The following SLC37A1 variants were observed in gnomAD, a reference collection of about 807,000 sequenced individuals.
SLC37A1 encodes the protein solute carrier family 37 member 1.
SLC37A1 carries 49 observed loss-of-function variants against 75.3 expected under a neutral mutation model. The ratio of observed to expected loss-of-function variants is 0.65; its 90% CI spans 0.52 to 0.83. SLC37A1 has a LOEUF of 0.83. Ranked by LOEUF, SLC37A1 falls within the 40% of genes least tolerant of loss-of-function variation. SLC37A1 has a pLI of 0.00. For synonymous variants in SLC37A1, 268 were observed against 292.1 expected, an observed-to-expected ratio of 0.92 and a Z score of 0.84; for missense variants, 566 against 695.0, an observed-to-expected ratio of 0.81 and a Z score of 2.09.
At position 42,539,664 on chromosome 21, in the gene SLC37A1, G is replaced by T. The variant is rs376972930; in HGVS notation, c.486+17G>T. 20 of 1,605,702 alleles carry T rather than the reference G, an allele frequency of 1.2e-5. No homozygotes were observed. The Admixed American group carries it at 2.9e-4, about 23-fold the overall frequency. On this transcript the variant is annotated intron_variant, in intron 6 of 19. Transcript: ENST00000352133. ...GTAACTCAGGTAAGGGTTTGGATCC[G>T]TGGCTCACCATGTACGGGGTTTCCT... is the stretch of plus-strand genomic sequence containing the variant.
chr21:42,559,046 G>A lies in SLC37A1; in HGVS notation c.938G>A (p.Ser313Asn), dbSNP rs2055760519. Residue 313 changes from serine (S) to asparagine (N), a missense_variant, in exon 11 of 20, where the codon AGT (serine) becomes AAT (asparagine). Physicochemically the swap from Ser to Asn is conservative, Grantham distance 46 (BLOSUM62 1). Coordinates refer to ENST00000352133, the MANE Select transcript of SLC37A1 (RefSeq NM_001320537.2). Reference protein sequence around the residue: ...HVVILPGDGGSGTAAISFTGA... With the variant: ...HVVILPGDGGNGTAAISFTGA... ...GTCATTCTCCCCGGGGACGGTGGGAGTGGCACGGCCGCCATCAGCTTCACA... is the reference window on the plus strand; with the variant it reads ...GTCATTCTCCCCGGGGACGGTGGGAATGGCACGGCCGCCATCAGCTTCACA... 6.2e-7 allele frequency: 1 copy of A among 1,613,542 alleles called. No individual in the cohort carries two copies. Among genetic ancestry groups the A allele is most frequent in the Non-Finnish European group, 8.5e-7 (1 of 1,179,866 alleles).
chr21:42,570,281 G>A lies in SLC37A1; in HGVS notation c.1423+1843G>A, dbSNP rs1344681136. Among the ~76,000 whole-genome samples, 128 of 48,542 alleles carry A rather than the reference G, an allele frequency of 2.6e-3. 12 individuals are homozygous for A. Among genetic ancestry groups the A allele is most frequent in the African/African-American group, 0.011 (108 of 9,546 alleles). 31.8% of individuals were successfully genotyped at this position (48,542 alleles called of 152,430 possible). ...CTGAGAAGCGGCAGGCAGGGTGGCC[G>A]TTGTCATGCGACACACGGCCTGGTT... is the stretch of plus-strand genomic sequence containing the variant. On this transcript the variant is annotated intron_variant, in intron 17 of 19. Transcript: ENST00000352133.
chr21:42,553,060 G>T (rs564215149), intron 9 of SLC37A1, among the ~76,000 whole-genome samples: 26 of 152,164 alleles, frequency 1.7e-4, no homozygotes, highest in African/African-American at 6.3e-4. Flanking sequence ...GAAATGCCTC[G>T]AAATGTAAAG....
chr21:42,511,527 T>C (rs2054432512), upstream of SLC37A1, among the ~76,000 whole-genome samples: 1 of 152,216 alleles, frequency 6.6e-6, no homozygotes, highest in South Asian at 2.1e-4. Context: ...AGCTCACTTC[T>C]CTAATCCCAG....
In SLC37A1 at chr21:42,518,502, G is replaced by A. The variant is rs761371254; in HGVS notation, c.48G>A (p.Arg16=). 2.5e-6 allele frequency: 4 copies of A among 1,613,986 alleles called. No homozygotes were observed. The highest frequency in any genetic ancestry group is 3.4e-6 in the Non-Finnish European group (4 of 1,180,018). ...TTCGCTTCATCATCTCATTCTCCAG[G>A]GATCAGTGGTGAGTCCTGGTGGGGC... is the stretch of plus-strand genomic sequence containing the variant. ...AGIRFIISFS[R]DQWYRAFIFI... is the part of the protein sequence containing the mutation. The change falls in exon 2 of 20, where the codon AGG becomes AGA. Residue 16 remains arginine, a synonymous_variant. Coordinates refer to ENST00000352133, the MANE Select transcript of SLC37A1 (RefSeq NM_001320537.2).
intron 10 of SLC37A1, among the ~76,000 whole-genome samples, chr21:42,555,219 C>G (rs1280597498): frequency 6.6e-6 from 1 of 151,938 alleles, no homozygotes; most frequent in Non-Finnish European, 1.5e-5. Flanking sequence ...AACTCCTGAC[C>G]TCAGGTGACC....
Position 42,580,537 on chromosome 21 carries a change from C to G in SLC37A1, c.*177C>G. ...ACCCCTGGTGCTATTTTAAAGGAGACATATTGCTGAACAGCAGTGAGAAAA... is the reference window on the plus strand; with the variant it reads ...ACCCCTGGTGCTATTTTAAAGGAGAGATATTGCTGAACAGCAGTGAGAAAA... On this transcript the variant is annotated 3_prime_UTR_variant, in exon 20 of 20. Transcript: ENST00000352133. 1.5e-6 allele frequency: 1 copy of G among 660,964 alleles called. No individual in the cohort carries two copies. Among genetic ancestry groups the G allele is most frequent in the Non-Finnish European group, 2.6e-6 (1 of 391,728 alleles). The allele number at this position is 660,964 out of a possible 1,614,324, so 40.9% of individuals were successfully genotyped here.
In SLC37A1 at chr21:42,566,066, G is replaced by A. The variant is rs193103627; in HGVS notation, c.1270+191G>A. Among the ~76,000 whole-genome samples the A allele has an allele frequency of 1.3e-4, 20 of 152,354 alleles. 1 individual carries two copies. The East Asian group carries it at 3.9e-3, about 29-fold the overall frequency. ...GGCCGGGGTCTCCTCTCCCCAGTGCGAGGCTTGCCATTCTGTGGGTTTCAC... is the reference window on the plus strand; with the variant it reads ...GGCCGGGGTCTCCTCTCCCCAGTGCAAGGCTTGCCATTCTGTGGGTTTCAC... On this transcript the variant is annotated intron_variant, in intron 15 of 19. Coordinates refer to ENST00000352133, the MANE Select transcript of SLC37A1 (RefSeq NM_001320537.2).
intron 2 of SLC37A1, among the ~76,000 whole-genome samples, chr21:42,521,698 G>A (rs1335177702): frequency 6.6e-6 from 1 of 152,252 alleles, no homozygotes; most frequent in Non-Finnish European, 1.5e-5. Flanking sequence ...ATTGGTGGAA[G>A]CCAAGCATGC....
chr21:42,575,047 A>T, intron 18 of SLC37A1, 132 bp downstream of exon 18: 1 of 1,456,004 alleles, frequency 6.9e-7, no homozygotes, highest in Non-Finnish European at 9.0e-7. Flanking sequence ...TCTTTTCTAA[A>T]TATGCGTGGT....
rs560236819 is a variant in SLC37A1 at position 42,536,408 on chromosome 21, A to G, written c.350+858A>G. 2.6e-5 allele frequency among the ~76,000 whole-genome samples: 4 copies of G among 152,270 alleles called. No individual in the cohort carries two copies. The East Asian group carries it at 5.8e-4, about 22-fold the overall frequency. On this transcript the variant is annotated intron_variant, in intron 5 of 19. Coordinates refer to ENST00000352133, the MANE Select transcript of SLC37A1 (RefSeq NM_001320537.2). Reference sequence around the variant, plus strand: ...TTGAACTGACCAAGGCAGGTGGTGAATATTATATGGGTCATAGGACGTGTG... The same window carrying G: ...TTGAACTGACCAAGGCAGGTGGTGAGTATTATATGGGTCATAGGACGTGTG...
intron 12 of SLC37A1, among the ~76,000 whole-genome samples, chr21:42,563,072 G>A (rs2055874679): frequency 6.6e-6 from 1 of 152,098 alleles, no homozygotes; most frequent in African/African-American, 2.4e-5. Context: ...GACAGGGCCT[G>A]CCCCAAGGGC....
In SLC37A1 at chr21:42,559,088, C is replaced by A; in HGVS notation, c.980C>A (p.Pro327Gln). Residue 327 changes from proline to glutamine, a missense_variant and splice_region_variant, in exon 11 of 20, where the codon CCA becomes CAA. Coordinates refer to ENST00000352133, the MANE Select transcript of SLC37A1 (RefSeq NM_001320537.2). ...AISFTGALKI[P>Q]GVIEFSLCLL... is the part of the protein sequence containing the mutation. ...AGCTTCACAGGGGCCTTGAAAATTCCAGTAAGTAAACGTGCCCAGGAGGAG... is the reference window on the plus strand; with the variant it reads ...AGCTTCACAGGGGCCTTGAAAATTCAAGTAAGTAAACGTGCCCAGGAGGAG... The A allele has an allele frequency of 6.2e-7, 1 of 1,611,058 alleles. No homozygotes were observed. Among genetic ancestry groups the A allele is most frequent in the Non-Finnish European group, 8.5e-7 (1 of 1,178,698 alleles).
At chr21:42,553,982 T>C in intron 9 of SLC37A1, 80 bp from the exon 10 acceptor site, 2 of 1,176,188 alleles carry the variant, frequency 1.7e-6, no homozygotes, top group Non-Finnish European at 2.4e-6. Flanking sequence ...CGATAGTAAG[T>C]ATCCTTGCTA....
intron 17 of SLC37A1, among the ~76,000 whole-genome samples, chr21:42,570,112 G>A (rs1162459858): frequency 1.0e-5 from 1 of 98,334 alleles, no homozygotes; most frequent in Non-Finnish European, 2.6e-5. Flanking sequence ...GAAGTGGTGG[G>A]CAGGGTGGCT....
intron 2 of SLC37A1, among the ~76,000 whole-genome samples, chr21:42,519,957 AGTGTGTTT>A (rs1051116917): frequency 7.0e-4 from 75 of 106,402 alleles, no homozygotes; most frequent in African/African-American, 3.7e-3. Flanking sequence ...GCCCCTCCAC[AGTGTGTTT>A]GTGTGTGTGT....
At chr21:42,542,545 C>T in intron 7 of SLC37A1, 65 bp downstream of exon 7, 1 of 1,503,404 alleles carries the variant, frequency 6.7e-7, no homozygotes, top group South Asian at 1.2e-5. Flanking sequence ...TTTAGTTTTT[C>T]TGTAGACTGA....
intron 2 of SLC37A1, among the ~76,000 whole-genome samples, chr21:42,503,713 C>T (rs1219766251): frequency 6.6e-6 from 1 of 152,190 alleles, no homozygotes; most frequent in Non-Finnish European, 1.5e-5. Flanking sequence ...TTTCTCCTCT[C>T]CTCAAGCCCA....
At chr21:42,525,951 A>C in intron 3 of SLC37A1, 94 bp downstream of exon 3, 1 of 844,138 alleles carries the variant, frequency 1.2e-6, no homozygotes, top group Non-Finnish European at 2.0e-6. Flanking sequence ...TAGCAGGTAC[A>C]TGGGGAAACA....
Sources: gnomAD v4.1 joint callset for allele counts (sites outside exome capture counted in the v4.1 genomes callset) on GRCh38, gnomAD v4.1.1 for gene constraint, MANE v1.5 for transcripts, NCBI Gene and HGNC (gene_info 2026-07-23, HGNC 2026-07-21) for gene names.